Variants in ABCD2 observed in about 807,000 individuals in gnomAD.
ABCD2 encodes the protein ATP-binding cassette sub-family D member 2.
A neutral mutation model predicts 70.9 loss-of-function variants in ABCD2; 36 were observed. The ratio of observed to expected loss-of-function variants is 0.51; its 90% confidence interval spans 0.39 to 0.67. The LOEUF is 0.67. ABCD2 is among the 30% of genes least tolerant of loss of function. ABCD2 has a pLI of 0.00. For missense variants in ABCD2, 729 were observed against 890.2 expected, an observed-to-expected ratio of 0.82 and a Z score of 2.30; for synonymous variants, 304 against 306.9, an observed-to-expected ratio of 0.99 and a Z score of 0.10.
chr12:39,562,485 C>G (rs957969275), intron 9 of ABCD2, among the ~76,000 whole-genome samples: 2 of 151,706 alleles, frequency 1.3e-5, no homozygotes, highest in African/African-American at 4.8e-5. Context: ...TAAATAAATT[C>G]AGAGATTAAA....
chr12:39,541,806 T>A, the ABCD2 span, among the ~76,000 whole-genome samples: 1 of 152,132 alleles, frequency 6.6e-6, no homozygotes, highest in East Asian at 1.9e-4. Flanking sequence ...AGTATTACCA[T>A]ATAGTATGAG....
chr12:39,605,665 G>A (rs533011402), intron 3 of ABCD2, among the ~76,000 whole-genome samples: 146 of 152,082 alleles, frequency 9.6e-4, no homozygotes, highest in Middle Eastern at 3.4e-3. Flanking sequence ...TTTCTATTAA[G>A]AGAACACCTT....
At chr12:39,579,721 T>A in intron 7 of ABCD2, 102 bp from the exon 8 acceptor site, 3 of 872,330 alleles carry the variant, frequency 3.4e-6, no homozygotes, top group South Asian at 3.5e-5. Context: ...ATTGTCAACA[T>A]GAAGAACTTG....
chr12:39,565,164 A>G (rs1443076022), intron 9 of ABCD2, among the ~76,000 whole-genome samples: 2 of 152,184 alleles, frequency 1.3e-5, no homozygotes, highest in Non-Finnish European at 2.9e-5. Context: ...AATTCTGTGA[A>G]GAAAGTCATT....
chr12:39,541,747 G>A, the ABCD2 span, among the ~76,000 whole-genome samples: 91 of 152,308 alleles, frequency 6.0e-4, 2 homozygotes, highest in East Asian at 0.017. Context: ...ACTAGAACCA[G>A]ACCAAAGGAT....
chr12:39,538,167 CTTTCTTTTT>C, the ABCD2 span, among the ~76,000 whole-genome samples: 1 of 142,824 alleles, frequency 7.0e-6, no homozygotes, highest in Non-Finnish European at 1.5e-5. Context: ...CATTTTCTTT[CTTTCTTTTT>C]TTTTTTTTTT....
chr12:39,551,827 G>T lies in ABCD2; in HGVS notation c.*2085C>A, dbSNP rs1299802204. The T allele has an allele frequency of 6.6e-6, 1 of 151,624 alleles. No homozygotes were observed. The highest frequency in any genetic ancestry group is 2.4e-5 in the African/African-American group (1 of 41,378). 9.4% of individuals were successfully genotyped at this position (151,624 alleles called of 1,614,324 possible). ...TGTTTCAAAACAAAATTATCAGGTT[G>T]TTTTAAAATTATGTTTTATTTTTAT... is the stretch of plus-strand genomic sequence containing the variant. On this transcript the variant is annotated 3_prime_UTR_variant, in exon 10 of 10. Transcript: ENST00000308666.
At chr12:39,613,420 A>G (rs540868727) in intron 2 of ABCD2, among the ~76,000 whole-genome samples, 2 of 144,420 alleles carry the variant, frequency 1.4e-5, no homozygotes, top group African/African-American at 5.0e-5. Flanking sequence ...AAAAAAAAGA[A>G]TTGAGGTTGT....
At chr12:39,597,057 C>T in intron 6 of ABCD2, among the ~76,000 whole-genome samples, 1 of 151,678 alleles carries the variant, frequency 6.6e-6, no homozygotes, top group Admixed American at 6.6e-5. Flanking sequence ...GGGTTGAATC[C>T]AAGGTTGTGG....
chr12:39,583,224 C>T (rs184611045), intron 7 of ABCD2, among the ~76,000 whole-genome samples: 84 of 152,202 alleles, frequency 5.5e-4, no homozygotes, highest in African/African-American at 1.9e-3. Flanking sequence ...CTTATTTAAT[C>T]TTCACAAAAA....
chr12:39,547,382 T>C (rs561327142), downstream of ABCD2, among the ~76,000 whole-genome samples: 2 of 152,262 alleles, frequency 1.3e-5, no homozygotes, highest in African/African-American at 4.8e-5. Context: ...TACAACCATA[T>C]TCACACAGCA....
intron 2 of ABCD2, among the ~76,000 whole-genome samples, chr12:39,613,124 C>A (rs949510598): frequency 2.2e-5 from 3 of 137,682 alleles, no homozygotes; most frequent in African/African-American, 9.6e-5. Flanking sequence ...CGGTGGCTCA[C>A]GCCTGTAATC....
At chr12:39,569,068 G>C (rs758240006) in intron 9 of ABCD2, among the ~76,000 whole-genome samples, 1 of 152,186 alleles carries the variant, frequency 6.6e-6, no homozygotes, top group Non-Finnish European at 1.5e-5. Context: ...AGGCTACTTG[G>C]GTGTCAGGGA....
At chr12:39,548,450 T>C (rs758835522), downstream of ABCD2, among the ~76,000 whole-genome samples, 5 of 152,064 alleles carry the variant, frequency 3.3e-5, no homozygotes, top group Non-Finnish European at 7.4e-5. Context: ...TTGTCTCATA[T>C]AAACAATGAG....
At chr12:39,541,434 G>A in the ABCD2 span, among the ~76,000 whole-genome samples, 1 of 152,206 alleles carries the variant, frequency 6.6e-6, no homozygotes, top group Non-Finnish European at 1.5e-5. Context: ...GATGCGAGGA[G>A]CATCTCCCAT....
chr12:39,537,512 T>C, the ABCD2 span, among the ~76,000 whole-genome samples: 1 of 152,234 alleles, frequency 6.6e-6, no homozygotes, highest in Non-Finnish European at 1.5e-5. Flanking sequence ...TTCTTTTGAA[T>C]ATGTCACCTT....
chr12:39,559,309 G>A (rs11172603), intron 9 of ABCD2, among the ~76,000 whole-genome samples: 10,049 of 150,176 alleles, frequency 0.067, 513 homozygotes, highest in South Asian at 0.27. Context: ...TCCAGGAAGC[G>A]GAGGTTGCAG....
intron 2 of ABCD2, among the ~76,000 whole-genome samples, chr12:39,612,239 G>T (rs1455050214): frequency 6.6e-6 from 1 of 152,148 alleles, no homozygotes; most frequent in Admixed American, 6.5e-5. Context: ...AGTACTCACA[G>T]ATATGTATAT....
chr12:39,565,894 T>C (rs932139534), intron 9 of ABCD2, among the ~76,000 whole-genome samples: 1 of 152,180 alleles, frequency 6.6e-6, no homozygotes, highest in Non-Finnish European at 1.5e-5. Flanking sequence ...AATCTTATGG[T>C]TTTTGTCATT....
Sources: allele counts gnomAD v4.1 joint callset (sites outside exome capture counted in the v4.1 genomes callset), GRCh38; gene constraint gnomAD v4.1.1; transcripts MANE v1.5; gene names NCBI Gene and HGNC (gene_info 2026-07-23, HGNC 2026-07-21).